Variants in NSRP1 observed in about 807,000 individuals in gnomAD.
NSRP1 encodes the protein nuclear speckle splicing regulatory protein 1.
NSRP1 carries 24 observed loss-of-function variants against 54.7 expected under a neutral mutation model. The ratio of observed to expected loss-of-function variants is 0.44; its 90% confidence interval spans 0.32 to 0.62. NSRP1 has a LOEUF of 0.62. Ranked by LOEUF, NSRP1 falls within the 20% of genes least tolerant of loss-of-function variation. The pLI is 0.06. For missense variants in NSRP1, 596 were observed against 651.2 expected, an observed-to-expected ratio of 0.92 and a Z score of 0.92; for synonymous variants, 210 against 213.8, an observed-to-expected ratio of 0.98 and a Z score of 0.15.
chr17:30,181,026 C>T lies in NSRP1; in HGVS notation c.617+10C>T, dbSNP rs752763498. ...GCTTTCGTGAAGCCAGGTGAGGAGA[C>T]GTGTATGAAATATTTTGAAGAAAAA... On this transcript the variant is annotated intron_variant, in intron 6 of 6. Transcript: ENST00000247026. 75 of 1,508,928 alleles carry T rather than the reference C, an allele frequency of 5.0e-5. No homozygotes were observed. Among genetic ancestry groups the T allele is most frequent in the Non-Finnish European group, 5.4e-5 (59 of 1,084,716 alleles). The allele number at this position is 1,508,928 out of a possible 1,614,324, so 93.5% of individuals were successfully genotyped here.
At chr17:30,153,174 C>T (rs1002042085) in intron 2 of NSRP1, among the ~76,000 whole-genome samples, 2 of 152,138 alleles carry the variant, frequency 1.3e-5, no homozygotes, top group African/African-American at 4.8e-5. Flanking sequence ...GCCTCAGCTT[C>T]CCAAAGTGCT....
chr17:30,146,970 A>G (rs1420018712), intron 2 of NSRP1, among the ~76,000 whole-genome samples: 4 of 152,044 alleles, frequency 2.6e-5, no homozygotes, highest in African/African-American at 9.7e-5. Context: ...TTCCTGTTTT[A>G]CTTTATTAGA....
intron 2 of NSRP1, among the ~76,000 whole-genome samples, chr17:30,135,105 A>G (rs1489816507): frequency 6.6e-6 from 1 of 151,898 alleles, no homozygotes; most frequent in African/African-American, 2.4e-5. Context: ...ACTTATCATA[A>G]TTGTTTTATT....
At chr17:30,177,486 G>T (rs1177813226) in intron 3 of NSRP1, among the ~76,000 whole-genome samples, 1 of 152,118 alleles carries the variant, frequency 6.6e-6, no homozygotes, top group African/African-American at 2.4e-5. Flanking sequence ...AGAAGAAGTA[G>T]GGCTGGCCCT....
At chr17:30,168,711 AT>A (rs1904824457) in intron 2 of NSRP1, 1 of 151,456 alleles carries the variant, frequency 6.6e-6, no homozygotes, top group African/African-American at 2.4e-5. Context: ...TTTTTATGTT[AT>A]ATAGAAGATC....
chr17:30,147,215 A>G (rs1246313640), intron 2 of NSRP1, among the ~76,000 whole-genome samples: 1 of 140,880 alleles, frequency 7.1e-6, no homozygotes, highest in Non-Finnish European at 1.5e-5. Context: ...TGCAGCCTCC[A>G]CCTCCTGGGT....
At chr17:30,172,417 T>C (rs932331883) in intron 2 of NSRP1, 125 bp from the exon 3 acceptor site, 2 of 597,282 alleles carry the variant, frequency 3.3e-6, no homozygotes, top group Non-Finnish European at 5.5e-6. Flanking sequence ...GCTGAACCAG[T>C]AAGTATTTTA....
chr17:30,125,233 A>G (rs2071639488), intron 2 of NSRP1, among the ~76,000 whole-genome samples: 2 of 152,232 alleles, frequency 1.3e-5, no homozygotes, highest in African/African-American at 4.8e-5. Context: ...TGATTTGACT[A>G]TATATTAAAA....
chr17:30,177,380 A>AG (rs1253489834), intron 3 of NSRP1, among the ~76,000 whole-genome samples: 3 of 151,890 alleles, frequency 2.0e-5, no homozygotes, highest in African/African-American at 7.3e-5. Context: ...CGCTTTAAAA[A>AG]AAAAAAAAAT....
In NSRP1 at chr17:30,178,038, A is replaced by G. The variant is rs768940788; in HGVS notation, c.172-33A>G. The G allele has an allele frequency of 1.2e-5, 19 of 1,609,062 alleles. No individual in the cohort carries two copies. The Middle Eastern group carries it at 1.2e-3, about 98-fold the overall frequency. On this transcript the variant is annotated intron_variant, in intron 3 of 6. Coordinates refer to ENST00000247026, the MANE Select transcript of NSRP1 (RefSeq NM_032141.4). ...CTTTGTTGTATCTATTGGCTGGCTC[A>G]TATTTTTGAAACATGTTTAATTTTT...
Position 30,132,996 on chromosome 17 carries a change from G to A in NSRP1, c.114+14823G>A, listed in dbSNP as rs1309671599. On this transcript the variant is annotated intron_variant, in intron 2 of 6. Coordinates refer to ENST00000247026, the MANE Select transcript of NSRP1 (RefSeq NM_032141.4). Reference sequence around the variant, plus strand: ...GCTTTGTCACTCTGGCTGGAGTGCAGTGGTGCGATCTTGGTTCACTGCAAC... The same window carrying A: ...GCTTTGTCACTCTGGCTGGAGTGCAATGGTGCGATCTTGGTTCACTGCAAC... Among the ~76,000 whole-genome samples, 3 of 152,274 alleles carry A rather than the reference G, an allele frequency of 2.0e-5. No homozygotes were observed. The East Asian group carries it at 5.8e-4, about 29-fold the overall frequency.
chr17:30,180,494 A>G (rs1451490809), intron 5 of NSRP1, among the ~76,000 whole-genome samples: 1 of 152,210 alleles, frequency 6.6e-6, no homozygotes, highest in Non-Finnish European at 1.5e-5. Flanking sequence ...AGTCTATAAC[A>G]TTCTGTCTAA....
chr17:30,119,778 C>T (rs963454874), intron 2 of NSRP1, among the ~76,000 whole-genome samples: 15 of 152,208 alleles, frequency 9.9e-5, no homozygotes, highest in African/African-American at 3.4e-4. Flanking sequence ...GCTGGAATTA[C>T]AGGCATGACC....
intron 2 of NSRP1, among the ~76,000 whole-genome samples, chr17:30,143,197 CAGAA>C (rs1179250039): frequency 1.3e-5 from 2 of 152,066 alleles, no homozygotes; most frequent in South Asian, 4.1e-4. Context: ...TGTTGTCAGA[CAGAA>C]AGCAATAATC....
In NSRP1 at chr17:30,186,422, G is replaced by A. The variant is rs1026121862; in HGVS notation, c.*748G>A. ...AAATGTGAATCATCTTGTCTAAATA[G>A]CTTACAGCATAGTTGGCTTAAATGA... On this transcript the variant is annotated 3_prime_UTR_variant, in exon 7 of 7. Coordinates refer to ENST00000247026, the MANE Select transcript of NSRP1 (RefSeq NM_032141.4). 9 of 152,088 alleles carry A rather than the reference G, an allele frequency of 5.9e-5. No individual in the cohort carries two copies. Among genetic ancestry groups the A allele is most frequent in the Non-Finnish European group, 4.4e-5 (3 of 68,014 alleles). The allele number at this position is 152,088 out of a possible 1,614,324, so 9.4% of individuals were successfully genotyped here.
intron 2 of NSRP1, among the ~76,000 whole-genome samples, chr17:30,145,172 A>G (rs2071842363): frequency 6.6e-6 from 1 of 152,170 alleles, no homozygotes; most frequent in Non-Finnish European, 1.5e-5. Context: ...CCCTGCTACC[A>G]CAGTGATATT....
intron 2 of NSRP1, chr17:30,144,138 A>G (rs1229476778): frequency 1.3e-5 from 2 of 151,986 alleles, no homozygotes; most frequent in Non-Finnish European, 2.9e-5. Flanking sequence ...TGAGCAATCT[A>G]AAATTACCCT....
At chr17:30,181,990 C>G (rs1905317876) in intron 6 of NSRP1, among the ~76,000 whole-genome samples, 1 of 151,280 alleles carries the variant, frequency 6.6e-6, no homozygotes, top group African/African-American at 2.4e-5. Context: ...GGGATCCCCC[C>G]TCTATCTCAG....
intron 6 of NSRP1, among the ~76,000 whole-genome samples, chr17:30,182,071 TTAAA>T (rs1567808356): frequency 8.4e-6 from 1 of 118,738 alleles, no homozygotes; most frequent in Admixed American, 9.1e-5. Context: ...TTTTTTTTTT[TTAAA>T]TAAGAATGTG....
Sources: allele counts gnomAD v4.1 joint callset (sites outside exome capture counted in the v4.1 genomes callset), GRCh38; gene constraint gnomAD v4.1.1; transcripts MANE v1.5; gene names NCBI Gene and HGNC (gene_info 2026-07-23, HGNC 2026-07-21).